GGCX: variants seen among roughly 807,000 people sequenced by gnomAD.
GGCX encodes vitamin K-dependent gamma-carboxylase.
In GGCX, 63 loss-of-function variants were observed where a neutral mutation model predicts 88.5. The observed-to-expected ratio is 0.71, with a 90% CI of 0.58 to 0.88. The LOEUF (loss-of-function observed/expected upper bound fraction) is 0.88. Among genes scored for constraint, GGCX ranks in the 40% least tolerant of loss-of-function variants. GGCX has a pLI of 0.00. For synonymous variants in GGCX, 368 were observed against 365.8 expected (o/e 1.01, Z -0.07); for missense variants, 805 against 932.9 (o/e 0.86, Z 1.79).
At position 85,546,614 on chromosome 2, in the gene GGCX, G is replaced by C. The variant is rs1318178922; in HGVS notation, c.*3320C>G. On this transcript the variant is annotated 3_prime_UTR_variant, in exon 15 of 15. Transcript: ENST00000233838. Reference sequence around the variant, plus strand: ...AATCCCAGCTACTCAGGAGGCTGGAGAATCACTTGAACCCAGGAGGCAGAG... The same window carrying C: ...AATCCCAGCTACTCAGGAGGCTGGACAATCACTTGAACCCAGGAGGCAGAG... 1.3e-5 allele frequency: 2 copies of C among 152,312 alleles called. No homozygotes were observed. The allele number at this position is 152,312 out of a possible 1,614,324, so 9.4% of individuals were successfully genotyped here. A position where few individuals can be genotyped will look rare whatever the true frequency, so the allele number is the denominator to read the frequency against.
intron 13 of GGCX, 43 bp from the exon 14 acceptor site, chr2:85,550,793 ACT>A (rs756457668): frequency 1.9e-6 from 3 of 1,593,236 alleles, no homozygotes; most frequent in African/African-American, 2.7e-5. Flanking sequence ...GAGATGGATC[ACT>A]CTCTCCCCTT....
rs540080148 is a variant in GGCX, at chr2:85,554,011, T to A, written c.889+132A>T. 48 of 770,944 alleles carry A rather than the reference T, an allele frequency of 6.2e-5. No homozygotes were observed. In the African/African-American group the frequency reaches 7.6e-4, roughly 12 times the overall value. The allele number at this position is 770,944 out of a possible 1,614,324, so 47.8% of individuals were successfully genotyped here. ...TCCTCTTATCCCCATTTATGCCTAC[T>A]TCATAGTGACTGCCCTGGGTTCAAT... On this transcript the variant is annotated intron_variant, in intron 7 of 14. Transcript: ENST00000233838.
chr2:85,561,439 A>G lies in GGCX; in HGVS notation c.-11T>C. On this transcript the variant is annotated 5_prime_UTR_variant, in exon 1 of 15. Coordinates refer to ENST00000233838, the MANE Select transcript of GGCX (RefSeq NM_000821.7). ...GGCAGACACCGCCATTGCTCTGCGG[A>G]GGAGGCAGGTGGGTCACAGCTGCCG... 3 of 1,565,996 alleles carry G rather than the reference A, an allele frequency of 1.9e-6. No homozygotes were observed. The highest frequency in any genetic ancestry group is 2.6e-6 in the Non-Finnish European group (3 of 1,154,848).
Position 85,554,235 on chromosome 2 carries a change from G to T in GGCX, c.797C>A (p.Ala266Asp). The T allele has an allele frequency of 1.2e-6, 2 of 1,613,412 alleles. No homozygotes were observed. Among genetic ancestry groups the T allele is most frequent in the Non-Finnish European group, 1.7e-6 (2 of 1,179,312 alleles). The stretch of plus-strand genomic sequence containing the variant: ...GACATCAAAAAAGAGCAGGAAACCA[G>T]CTGAGAGGTCAAGCAGCAGCCCACC... ...HWGGLLLDLS[A>D]GFLLFFDVSR... Residue 266 changes from alanine to aspartate, a missense_variant, in exon 7 of 15, where the codon GCT becomes GAT. Transcript: ENST00000233838.
chr2:85,546,761 G>A lies in GGCX; in HGVS notation c.*3173C>T, dbSNP rs2103935649. Reference sequence around the variant, plus strand: ...GGGCAAGGTTAAAACCTATGCAGGTGTGTCAATTAGACTTGTTCCAACTTG... The same window carrying A: ...GGGCAAGGTTAAAACCTATGCAGGTATGTCAATTAGACTTGTTCCAACTTG... On this transcript the variant is annotated 3_prime_UTR_variant, in exon 15 of 15. Transcript: ENST00000233838. The A allele has an allele frequency of 6.6e-6, 1 of 152,342 alleles. No homozygotes were observed. Among genetic ancestry groups the A allele is most frequent in the South Asian group, 2.1e-4 (1 of 4,828 alleles). 9.4% of individuals were successfully genotyped at this position (152,342 alleles called of 1,614,324 possible). A position where few individuals can be genotyped will look rare whatever the true frequency, so the allele number is the denominator to read the frequency against.
chr2:85,560,721 AG>A, intron 2 of GGCX, 93 bp downstream of exon 2: 2 of 963,662 alleles, frequency 2.1e-6, no homozygotes, highest in Non-Finnish European at 1.7e-6. Context: ...TTCAGCTCTG[AG>A]GAAAAGGGAG....
rs1691581828 is a variant in GGCX, at chr2:85,544,889, A to G, written c.*5045T>C. On this transcript the variant is annotated 3_prime_UTR_variant, in exon 15 of 15. Transcript: ENST00000233838. ...TTGCTTATTTATTGTATTCTGGGGT[A>G]TGGCGTAAGTACAGAGAAGCCATCA... 1 of 152,584 alleles carries G rather than the reference A, an allele frequency of 6.6e-6. No individual in the cohort carries two copies. Among genetic ancestry groups the G allele is most frequent in the Admixed American group, 6.5e-5 (1 of 15,274 alleles). The allele number at this position is 152,584 out of a possible 1,614,324, so 9.5% of individuals were successfully genotyped here.
rs368920732 is a variant in GGCX, at chr2:85,549,929, C to T, written c.*5G>A. ...TCTACATCTGCACCCAACATCTGGC[C>T]CCCTTCAGAACTCTGAGTGGACAGG... On this transcript the variant is annotated 3_prime_UTR_variant, in exon 15 of 15. Transcript: ENST00000233838. 78 of 1,602,100 alleles carry T rather than the reference C, an allele frequency of 4.9e-5. No homozygotes were observed. In the African/African-American group the frequency reaches 7.5e-4, roughly 15 times the overall value.
chr2:85,545,268 G>C lies in GGCX; in HGVS notation c.*4666C>G, dbSNP rs1252467856. 1 of 152,602 alleles carries C rather than the reference G, an allele frequency of 6.6e-6. No homozygotes were observed. Among genetic ancestry groups the C allele is most frequent in the Non-Finnish European group, 1.5e-5 (1 of 68,034 alleles). The allele number at this position is 152,602 out of a possible 1,614,324, so 9.5% of individuals were successfully genotyped here. A position where few individuals can be genotyped will look rare whatever the true frequency, so the allele number is the denominator to read the frequency against. On this transcript the variant is annotated 3_prime_UTR_variant, in exon 15 of 15. Coordinates refer to ENST00000233838, the MANE Select transcript of GGCX (RefSeq NM_000821.7). ...TAATGAAGATCTAAATAAAATGCTA[G>C]GTTCTACCTTAACTGTGTCTGTTAC...
Position 85,549,483 on chromosome 2 carries a change from T to C in GGCX, c.*451A>G, listed in dbSNP as rs538636383. On this transcript the variant is annotated 3_prime_UTR_variant, in exon 15 of 15. Transcript: ENST00000233838. ...CCCAAGCGATTCTCATGCCTCAGCCTCCTGGGTAGTTGGATTACAGGCACC... is the reference window on the plus strand; with the variant it reads ...CCCAAGCGATTCTCATGCCTCAGCCCCCTGGGTAGTTGGATTACAGGCACC... The C allele has an allele frequency of 5.0e-6, 1 of 199,436 alleles. No individual in the cohort carries two copies. Among genetic ancestry groups the C allele is most frequent in the East Asian group, 1.4e-4 (1 of 7,164 alleles). The allele number at this position is 199,436 out of a possible 1,614,324, so 12.4% of individuals were successfully genotyped here.
rs1439195164 is a variant in GGCX, at chr2:85,548,315, T to C, written c.*1619A>G. On this transcript the variant is annotated 3_prime_UTR_variant, in exon 15 of 15. Coordinates refer to ENST00000233838, the MANE Select transcript of GGCX (RefSeq NM_000821.7). ...GATGACCTAGAGATAACAGCTTGGC[T>C]AAGGTACAGAGCTGCCATTCAATAA... 6.6e-6 allele frequency: 1 copy of C among 152,128 alleles called. No individual in the cohort carries two copies. Among genetic ancestry groups the C allele is most frequent in the Non-Finnish European group, 1.5e-5 (1 of 68,026 alleles). The allele number at this position is 152,128 out of a possible 1,614,324, so 9.4% of individuals were successfully genotyped here.
At chr2:85,556,924 C>T (rs541272878) in intron 4 of GGCX, among the ~76,000 whole-genome samples, 1 of 152,314 alleles carries the variant, frequency 6.6e-6, no homozygotes, top group South Asian at 2.1e-4. Context: ...GCTAGCTGAC[C>T]TTAGGCAAAT....
Position 85,549,959 on chromosome 2 carries a change from G to A in GGCX, c.2252C>T (p.Pro751Leu). 6.2e-7 allele frequency: 1 copy of A among 1,613,528 alleles called. No homozygotes were observed. Among genetic ancestry groups the A allele is most frequent in the Non-Finnish European group, 8.5e-7 (1 of 1,179,560 alleles). The change falls in exon 15 of 15, where the codon CCT becomes CTT. Residue 751 changes from proline (P) to leucine (L), a missense_variant. Pro to Leu is a moderately conservative substitution (Grantham distance 98). Around this residue, in one of 3 missense-constraint regions of GGCX, gnomAD observed 680 missense variants for 763.7 expected, o/e 0.89. Coordinates refer to ENST00000233838, the MANE Select transcript of GGCX (RefSeq NM_000821.7). ...SSHSNPPESN[P>L]DPVHSEF ...TCAGAACTCTGAGTGGACAGGATCA[G>A]GATTTGACTCAGGAGGATTAGAATG...
Position 85,549,842 on chromosome 2 carries a change from ACTTTTGAGAATTTTTTTC to A in GGCX, c.*74_*91del. 7 of 705,986 alleles carry A rather than the reference ACTTTTGAGAATTTTTTTC, an allele frequency of 9.9e-6. No individual in the cohort carries two copies. The highest frequency in any genetic ancestry group is 4.7e-5 in the Admixed American group (2 of 42,940). The allele number at this position is 705,986 out of a possible 1,614,324, so 43.7% of individuals were successfully genotyped here. A position where few individuals can be genotyped will look rare whatever the true frequency, so the allele number is the denominator to read the frequency against. ...CCGCCCCCCCAAAAAAAAAAAAAAA[ACTTTTGAGAATTTTTTTC>A]AAATAAATGTCCATTGCATAGAATG... On this transcript the variant is annotated 3_prime_UTR_variant, in exon 15 of 15. Transcript: ENST00000233838.
Position 85,546,266 on chromosome 2 carries a change from CTA to C in GGCX, c.*3666_*3667del, listed in dbSNP as rs1193253596. Reference sequence around the variant, plus strand: ...TGGCTAACACAGTGAAACCCTGTCTCTACTAAAAATATAAAAAAGTTAGCCAG... The same window carrying C: ...TGGCTAACACAGTGAAACCCTGTCTCCTAAAAATATAAAAAAGTTAGCCAG... On this transcript the variant is annotated 3_prime_UTR_variant, in exon 15 of 15. Transcript: ENST00000233838. 1.3e-5 allele frequency: 2 copies of C among 152,214 alleles called. No individual in the cohort carries two copies. Among genetic ancestry groups the C allele is most frequent in the Admixed American group, 1.3e-4 (2 of 15,280 alleles). The allele number at this position is 152,214 out of a possible 1,614,324, so 9.4% of individuals were successfully genotyped here.
chr2:85,550,825 C>T, intron 13 of GGCX, 75 bp from the exon 14 acceptor site: 7 of 1,580,884 alleles, frequency 4.4e-6, no homozygotes, highest in Non-Finnish European at 6.1e-6. Flanking sequence ...CTTCTGCCAG[C>T]TAGAGACTTC....
rs1442479774 is a variant in GGCX at position 85,551,507 on chromosome 2, C to T, written c.1713G>A (p.Gln571=). The change falls in exon 12 of 15, where the codon CAG becomes CAA. Residue 571 remains glutamine (Q), a synonymous_variant. Coordinates refer to ENST00000233838, the MANE Select transcript of GGCX (RefSeq NM_000821.7). Reference sequence around the variant, plus strand: ...GCATTTTTTCTCCCTCTCGAAGAGTCTGGTTCTTCTGTTCTGCCACAAGCT... The same window carrying T: ...GCATTTTTTCTCCCTCTCGAAGAGTTTGGTTCTTCTGTTCTGCCACAAGCT... ...TVELVAEQKN[Q]TLREGEKMQL... is the part of the protein sequence containing the mutation. 6.2e-7 allele frequency: 1 copy of T among 1,614,102 alleles called. No homozygotes were observed. Among genetic ancestry groups the T allele is most frequent in the East Asian group, 2.2e-5 (1 of 44,882 alleles).
Position 85,549,627 on chromosome 2 carries a change from C to T in GGCX, c.*307G>A, listed in dbSNP as rs1053834442. 5.3e-5 allele frequency: 19 copies of T among 358,986 alleles called. No homozygotes were observed. The highest frequency in any genetic ancestry group is 1.3e-4 in the African/African-American group (6 of 47,120). The allele number at this position is 358,986 out of a possible 1,614,324, so 22.2% of individuals were successfully genotyped here. ...CTGCCCACCTCAGCCTCCCAAAATGCTGGGATTACAGGCGTGAGCCACGGC... is the reference window on the plus strand; with the variant it reads ...CTGCCCACCTCAGCCTCCCAAAATGTTGGGATTACAGGCGTGAGCCACGGC... On this transcript the variant is annotated 3_prime_UTR_variant, in exon 15 of 15. Transcript: ENST00000233838.
Position 85,546,414 on chromosome 2 carries a change from CTT to C in GGCX, c.*3518_*3519del, listed in dbSNP as rs1691668883. 2 of 148,374 alleles carry C rather than the reference CTT, an allele frequency of 1.3e-5. No homozygotes were observed. The highest frequency in any genetic ancestry group is 3.0e-5 in the Non-Finnish European group (2 of 67,426). 9.2% of individuals were successfully genotyped at this position (148,374 alleles called of 1,614,324 possible). ...CTCCGGCCAGGGTAACAGAGTGAGA[CTT>C]AAAAAAAAAGCCGTGGAAATCTGGG... On this transcript the variant is annotated 3_prime_UTR_variant, in exon 15 of 15. Coordinates refer to ENST00000233838, the MANE Select transcript of GGCX (RefSeq NM_000821.7).
Sources: gnomAD v4.1 joint callset for allele counts (sites outside exome capture counted in the v4.1 genomes callset) on GRCh38, gnomAD v4.1.1 for gene constraint, gnomAD v4.1.1 regional missense constraint, MANE v1.5 for transcripts, NCBI Gene and HGNC (gene_info 2026-07-23, HGNC 2026-07-21) for gene names.